GBP1: variants seen among roughly 807,000 people sequenced by gnomAD.
GBP1 encodes the protein guanylate-binding protein 1.
GBP1 carries 64 observed loss-of-function variants against 69.5 expected under a neutral mutation model. That is an observed-to-expected ratio of 0.92 (90% CI 0.75 to 1.13). GBP1 has a LOEUF of 1.13. GBP1 is among the 50% of genes most tolerant of loss of function. The pLI, the probability that GBP1 is intolerant of heterozygous loss-of-function variation, is 0.00. For synonymous variants in GBP1, 250 were observed against 261.2 expected, an observed-to-expected ratio of 0.96 and a Z score of 0.41; for missense variants, 630 against 704.1, an observed-to-expected ratio of 0.89 and a Z score of 1.19.
intron 8 of GBP1, 143 bp from the exon 9 acceptor site, chr1:89,055,358 G>C (rs1200630426): frequency 2.4e-5 from 33 of 1,393,318 alleles, no homozygotes; most frequent in Non-Finnish European, 2.9e-5. Flanking sequence ...CTGTCGGAGC[G>C]ACAGACACAT....
In GBP1 at chr1:89,053,286, A is replaced by G. The variant is rs553480873; in HGVS notation, c.*69T>C. The G allele has an allele frequency of 6.0e-6, 7 of 1,170,500 alleles. No individual in the cohort carries two copies. In the South Asian group the frequency reaches 8.4e-5, roughly 14 times the overall value. 72.5% of individuals were successfully genotyped at this position (1,170,500 alleles called of 1,614,324 possible). ...GATCTAATTATTATCAAATGTAGTG[A>G]CGCTTGTTCCAAATTCTAAAATTGT... On this transcript the variant is annotated 3_prime_UTR_variant, in exon 11 of 11. Transcript: ENST00000370473.
Position 89,058,230 on chromosome 1 carries a change from G to A in GBP1, c.636C>T (p.Thr212=). The A allele has an allele frequency of 6.3e-7, 1 of 1,576,860 alleles. No individual in the cohort carries two copies. The highest frequency in any genetic ancestry group is 8.6e-7 in the Non-Finnish European group (1 of 1,164,648). The change falls in exon 6 of 11, where the codon ACC becomes ACT. Residue 212 remains threonine, a synonymous_variant. Coordinates refer to ENST00000370473, the MANE Select transcript of GBP1 (RefSeq NM_002053.3). ...GGTTAAAAGTTTCATCTTTTTGACT[G>A]GTACCTAGAAAAACATTTAAAAAAT... is the stretch of plus-strand genomic sequence containing the variant. ...LTYSLKLKKG[T]SQKDETFNLP...
In GBP1 at chr1:89,056,209, C is replaced by T. The variant is rs139042305; in HGVS notation, c.1175G>A (p.Arg392Gln). 51 of 1,613,804 alleles carry T rather than the reference C, an allele frequency of 3.2e-5. No individual in the cohort carries two copies. Among genetic ancestry groups the T allele is most frequent in the East Asian group, 1.3e-4 (6 of 44,898 alleles). Residue 392 changes from arginine to glutamine, a missense_variant, in exon 8 of 11, where the codon CGG becomes CAG. This residue lies in a region of GBP1 where 367 missense variants were observed against 369.5 expected (regional missense o/e 0.99). Transcript: ENST00000370473. ...KELAAQLEKK[R>Q]DDFCKQNQEA... ...CTGATTCTGTTTACAAAAGTCATCC[C>T]GCTTTTTTTCTAGCTGGGCCTTTAA...
chr1:89,060,181 G>C lies in GBP1; in HGVS notation c.318+16C>G. The C allele has an allele frequency of 6.3e-7, 1 of 1,583,268 alleles. No homozygotes were observed. Among genetic ancestry groups the C allele is most frequent in the South Asian group, 1.2e-5 (1 of 86,170 alleles). On this transcript the variant is annotated intron_variant, in intron 3 of 10. Coordinates refer to ENST00000370473, the MANE Select transcript of GBP1 (RefSeq NM_002053.3). ...AGAGGAGGGGCTTACTCCACAACTG[G>C]ATCCTTGAGTCTCACCTTCTCTACA...
intron 3 of GBP1, 95 bp from the exon 4 acceptor site, chr1:89,059,521 GT>G (rs371868052): frequency 9.7e-5 from 103 of 1,061,294 alleles, no homozygotes; most frequent in South Asian, 1.9e-4. Flanking sequence ...ATGTTAGAGG[GT>G]TTTTTTTTCT....
intron 8 of GBP1, 22 bp downstream of exon 8, chr1:89,055,994 T>C (rs748553393): frequency 1.2e-6 from 2 of 1,613,680 alleles, no homozygotes; most frequent in African/African-American, 1.3e-5. Flanking sequence ...CTTTCCATAA[T>C]TGACAGATAA....
At chr1:89,062,921 T>G in intron 2 of GBP1, 124 bp downstream of exon 2, 1 of 1,183,756 alleles carries the variant, frequency 8.4e-7, no homozygotes, top group South Asian at 1.4e-5. Flanking sequence ...GGAGCCCGAC[T>G]GTGAATGGAA....
At chr1:89,055,373 C>G in intron 8 of GBP1, 158 bp from the exon 9 acceptor site, 1 of 1,274,758 alleles carries the variant, frequency 7.8e-7, no homozygotes, top group Non-Finnish European at 1.1e-6. Context: ...ACACATGCTC[C>G]TGGCAAGCCG....
chr1:89,062,064 G>C (rs568275894), intron 2 of GBP1, among the ~76,000 whole-genome samples: 9 of 152,032 alleles, frequency 5.9e-5, no homozygotes, highest in Admixed American at 1.3e-4. Context: ...TTTCTGTTGA[G>C]AATGTAAAAC....
chr1:89,064,716 C>T (rs1477808402), intron 1 of GBP1, among the ~76,000 whole-genome samples: 1 of 152,326 alleles, frequency 6.6e-6, no homozygotes, highest in East Asian at 1.9e-4. Context: ...TTCTCATTTG[C>T]TGTTCTTTCC....
Position 89,058,968 on chromosome 1 carries a change from T to C in GBP1, c.504A>G (p.Ser168=). Residue 168 remains serine, a synonymous_variant, in exon 5 of 11, where the codon TCA becomes TCG. Transcript: ENST00000370473. ...PDENENEVED[S]ADFVSFFPDF... ...CTGGGAAGAAGCTCACAAAGTCAGC[T>C]GAATCCTCAACCTCATTCTCATTCT... The C allele has an allele frequency of 6.2e-7, 1 of 1,614,198 alleles. No individual in the cohort carries two copies. Among genetic ancestry groups the C allele is most frequent in the Non-Finnish European group, 8.5e-7 (1 of 1,180,038 alleles).
chr1:89,060,513 C>T lies in GBP1; in HGVS notation c.191-189G>A, dbSNP rs531736418. Among the ~76,000 whole-genome samples, 8 of 152,286 alleles carry T rather than the reference C, an allele frequency of 5.3e-5. No homozygotes were observed. In the South Asian group the frequency reaches 1.7e-3, roughly 32 times the overall value. ...TGCATGGAAACATTCAGGAGGCTTT[C>T]ATGATAAAAATAATCAACAAAGTAG... On this transcript the variant is annotated intron_variant, in intron 2 of 10. Transcript: ENST00000370473.
At position 89,059,028 on chromosome 1, in the gene GBP1, C is replaced by T; in HGVS notation, c.444G>A (p.Leu148=). 1 of 1,614,158 alleles carries T rather than the reference C, an allele frequency of 6.2e-7. No homozygotes were observed. The highest frequency in any genetic ancestry group is 8.5e-7 in the Non-Finnish European group (1 of 1,180,022). The change falls in exon 5 of 11, where the codon CTG becomes CTA. Residue 148 remains leucine (L), a synonymous_variant. Transcript: ENST00000370473. ...AGGATTTTGATCGGATTCTATGTGT[C>T]AGCTCTGTCACATAGCTGAGTAGCT... The part of the protein sequence containing the change: ...AMDQLYYVTE[L]THRIRSKSSP...
At chr1:89,061,838 A>G (rs1401745545) in intron 2 of GBP1, among the ~76,000 whole-genome samples, 1 of 152,152 alleles carries the variant, frequency 6.6e-6, no homozygotes, top group Non-Finnish European at 1.5e-5. Flanking sequence ...TAATAAATGA[A>G]CAATGGACTT....
intron 1 of GBP1, among the ~76,000 whole-genome samples, chr1:89,064,017 G>C (rs1253384723): frequency 2.0e-5 from 3 of 152,034 alleles, no homozygotes; most frequent in Non-Finnish European, 4.4e-5. Flanking sequence ...CAGATAATAA[G>C]GATTAAAAGA....
chr1:89,060,198 T>C lies in GBP1; in HGVS notation c.317A>G (p.Lys106Arg), dbSNP rs1295458742. 2 of 1,594,256 alleles carry C rather than the reference T, an allele frequency of 1.3e-6. No individual in the cohort carries two copies. Among genetic ancestry groups the C allele is most frequent in the Non-Finnish European group, 1.7e-6 (2 of 1,172,602 alleles). The change falls in exon 3 of 11, where the codon AAG becomes AGG. Residue 106 changes from lysine (K) to arginine (R), a missense_variant and splice_region_variant. Transcript: ENST00000370473. ...CACAACTGGATCCTTGAGTCTCACC[T>C]TCTCTACATCTCCCAGACCCTCGGT... ...LDTEGLGDVE[K>R]GDNQNDSWIF...
At chr1:89,053,936 G>T (rs977305841) in intron 10 of GBP1, among the ~76,000 whole-genome samples, 1 of 152,220 alleles carries the variant, frequency 6.6e-6, no homozygotes, top group African/African-American at 2.4e-5. Context: ...TAATTTCATA[G>T]TAGGTGTCAC....
rs745870988 is a variant in GBP1, at chr1:89,056,954, T to A, written c.1055A>T (p.Glu352Val). The A allele has an allele frequency of 6.2e-7, 1 of 1,614,232 alleles. No homozygotes were observed. Among genetic ancestry groups the A allele is most frequent in the East Asian group, 2.2e-5 (1 of 44,888 alleles). ...KVQLPTETLQ[E>V]LLDLHRDSER... ...ACTGTCCCTGTGCAGGTCCAGCAGC[T>A]CCTGGAGGGTTTCTGTGGGCAGCTG... The change falls in exon 7 of 11, where the codon GAG becomes GTG. Residue 352 changes from glutamate (E) to valine (V), a missense_variant. By Grantham distance (121) the Glu-to-Val change is moderately radical. This residue lies in a region of GBP1 where 367 missense variants were observed against 369.5 expected (regional missense o/e 0.99). Coordinates refer to ENST00000370473, the MANE Select transcript of GBP1 (RefSeq NM_002053.3).
intron 4 of GBP1, 36 bp downstream of exon 4, chr1:89,059,281 C>T: frequency 6.2e-7 from 1 of 1,614,050 alleles, no homozygotes; most frequent in African/African-American, 1.3e-5. Flanking sequence ...GGTGTCCCCT[C>T]TGACCTTGGT....
Sources: gnomAD v4.1 joint callset for allele counts (sites outside exome capture counted in the v4.1 genomes callset) on GRCh38, gnomAD v4.1.1 for gene constraint, gnomAD v4.1.1 regional missense constraint, MANE v1.5 for transcripts, NCBI Gene and HGNC (gene_info 2026-07-23, HGNC 2026-07-21) for gene names.